Variants in CDH9 observed in about 807,000 individuals in gnomAD.
The protein encoded by CDH9 is cadherin 9.
CDH9 carries 28 observed loss-of-function variants against 70.9 expected under a neutral mutation model. That is an observed-to-expected ratio of 0.40 (90% CI 0.29 to 0.54). The LOEUF (loss-of-function observed/expected upper bound fraction) is 0.54. Ranked by LOEUF, CDH9 falls within the 20% of genes least tolerant of loss-of-function variation. The pLI is 0.59. For synonymous variants in CDH9, 409 were observed against 343.1 expected (o/e 1.19, Z -2.12); for missense variants, 874 against 984.4 (o/e 0.89, Z 1.50).
At position 26,971,328 on chromosome 5, in the gene CDH9, A is replaced by C. The variant is rs1197855540; in HGVS notation, c.228+16778T>G. 2.0e-5 allele frequency among the ~76,000 whole-genome samples: 3 copies of C among 152,278 alleles called. No individual in the cohort carries two copies. The East Asian group carries it at 5.8e-4, about 29-fold the overall frequency. On this transcript the variant is annotated intron_variant, in intron 2 of 11. Transcript: ENST00000231021. ...AAACGAAGGTTTTAGCCTTGAACAC[A>C]TCATTTTCAAGAGGCAATTTTTACA...
At chr5:26,885,183 G>A (rs1358814329) in intron 11 of CDH9, among the ~76,000 whole-genome samples, 11 of 152,080 alleles carry the variant, frequency 7.2e-5, no homozygotes, top group Non-Finnish European at 1.6e-4. Flanking sequence ...AGAACTCTAT[G>A]GTAGAGTAAT....
chr5:26,908,519 T>A (rs1468920182), intron 3 of CDH9, among the ~76,000 whole-genome samples: 1 of 152,186 alleles, frequency 6.6e-6, no homozygotes, highest in East Asian at 1.9e-4. Flanking sequence ...TTACCCATTT[T>A]ATTTTTCTTT....
intron 1 of CDH9, among the ~76,000 whole-genome samples, chr5:27,025,834 G>C (rs570618209): frequency 8.9e-4 from 135 of 151,828 alleles, no homozygotes; most frequent in Non-Finnish European, 1.6e-3. Flanking sequence ...CCATTTAACA[G>C]AATTATATTT....
chr5:26,906,277 A>G, intron 4 of CDH9, 151 bp from the exon 5 acceptor site: 1 of 638,322 alleles, frequency 1.6e-6, no homozygotes, highest in Non-Finnish European at 2.6e-6. Flanking sequence ...ACTTTAAGAT[A>G]ATTCACAGAA....
intron 11 of CDH9, among the ~76,000 whole-genome samples, chr5:26,881,976 T>C (rs1479679): frequency 0.081 from 12,260 of 152,194 alleles, 716 homozygotes; most frequent in Non-Finnish European, 0.12. Context: ...GCTCTACTCA[T>C]GGTGATATTG....
chr5:26,963,019 T>A (rs1469204620), intron 2 of CDH9, among the ~76,000 whole-genome samples: 1 of 152,154 alleles, frequency 6.6e-6, no homozygotes. Flanking sequence ...CACAGTGGTT[T>A]TATAAAACTA....
intron 3 of CDH9, among the ~76,000 whole-genome samples, chr5:26,910,224 C>CGTCT (rs1554036126): frequency 5.4e-5 from 8 of 149,218 alleles, no homozygotes; most frequent in Admixed American, 4.0e-4. Flanking sequence ...ATCTATCATC[C>CGTCT]ATCTATCTAT....
At chr5:26,983,128 G>A (rs1742429858) in intron 2 of CDH9, among the ~76,000 whole-genome samples, 1 of 152,102 alleles carries the variant, frequency 6.6e-6, no homozygotes, top group African/African-American at 2.4e-5. Context: ...AAACAGATAT[G>A]AGATTATGGA....
intron 2 of CDH9, among the ~76,000 whole-genome samples, chr5:26,970,584 A>C (rs2112072528): frequency 6.6e-6 from 1 of 152,210 alleles, no homozygotes; most frequent in South Asian, 2.1e-4. Context: ...CTGACTTGTT[A>C]ACCTAAAATA....
chr5:26,901,950 G>A (rs1007039634), intron 7 of CDH9, among the ~76,000 whole-genome samples: 3 of 151,674 alleles, frequency 2.0e-5, no homozygotes, highest in Non-Finnish European at 4.4e-5. Flanking sequence ...ATTTTGATAT[G>A]TGTTAGGCCC....
intron 2 of CDH9, among the ~76,000 whole-genome samples, chr5:26,939,014 A>G (rs1741611306): frequency 6.6e-6 from 1 of 152,076 alleles, no homozygotes; most frequent in African/African-American, 2.4e-5. Context: ...GTGAAATTAC[A>G]ATAAATTTGT....
intron 2 of CDH9, among the ~76,000 whole-genome samples, chr5:26,987,888 A>G (rs746065717): frequency 8.5e-5 from 13 of 152,076 alleles, no homozygotes; most frequent in Non-Finnish European, 1.6e-4. Flanking sequence ...CCATCCACAT[A>G]TGACTTAGTA....
At chr5:26,945,863 T>G (rs1020585994) in intron 2 of CDH9, among the ~76,000 whole-genome samples, 1 of 152,170 alleles carries the variant, frequency 6.6e-6, no homozygotes, top group Non-Finnish European at 1.5e-5. Context: ...TCAGCAGGCT[T>G]GCTATCCATT....
At chr5:27,034,839 G>A (rs1165366759) in intron 1 of CDH9, among the ~76,000 whole-genome samples, 1 of 151,614 alleles carries the variant, frequency 6.6e-6, no homozygotes, top group Non-Finnish European at 1.5e-5. Flanking sequence ...TGTTAGGGCT[G>A]TTATGGAAAT....
intron 1 of CDH9, among the ~76,000 whole-genome samples, chr5:27,018,815 G>A (rs772312989): frequency 1.3e-5 from 2 of 151,890 alleles, no homozygotes; most frequent in Non-Finnish European, 2.9e-5. Flanking sequence ...AGCAAGCAGA[G>A]AGCAGAGGAC....
At position 26,932,409 on chromosome 5, in the gene CDH9, GA is replaced by G. The variant is rs556156353; in HGVS notation, c.229-16486del. On this transcript the variant is annotated intron_variant, in intron 2 of 11. Transcript: ENST00000231021. The stretch of plus-strand genomic sequence containing the variant: ...GCCCCAGTATGCATTAACAATAAAA[GA>G]AAAAAAAACAAAATATTTGTAATGT... Among the ~76,000 whole-genome samples, 14 of 146,186 alleles carry G rather than the reference GA, an allele frequency of 9.6e-5. No homozygotes were observed. The South Asian group carries it at 2.6e-3, about 28-fold the overall frequency.
intron 1 of CDH9, among the ~76,000 whole-genome samples, chr5:27,006,230 G>C (rs1327470178): frequency 6.6e-6 from 1 of 152,118 alleles, no homozygotes; most frequent in Non-Finnish European, 1.5e-5. Flanking sequence ...GAGAGGTTTA[G>C]ATAAACACAT....
At chr5:27,011,746 CAG>C (rs933087880) in intron 1 of CDH9, among the ~76,000 whole-genome samples, 1 of 151,974 alleles carries the variant, frequency 6.6e-6, no homozygotes, top group African/African-American at 2.4e-5. Context: ...TTACAAAGAA[CAG>C]AGAGTTAATA....
At chr5:26,954,068 G>A (rs555466913) in intron 2 of CDH9, among the ~76,000 whole-genome samples, 79 of 152,044 alleles carry the variant, frequency 5.2e-4, no homozygotes, top group African/African-American at 1.9e-3. Context: ...AACTTACCTG[G>A]TCATTATTTC....
Sources: gnomAD v4.1 joint callset for allele counts (sites outside exome capture counted in the v4.1 genomes callset) on GRCh38, gnomAD v4.1.1 for gene constraint, MANE v1.5 for transcripts, NCBI Gene and HGNC (gene_info 2026-07-23, HGNC 2026-07-21) for gene names.